PRKCB: variants seen among roughly 807,000 people sequenced by gnomAD.
The protein encoded by PRKCB is protein kinase C beta type.
In PRKCB, 13 loss-of-function variants were observed where a neutral mutation model predicts 81.5. The observed-to-expected ratio is 0.16, with a 90% CI of 0.10 to 0.25. The LOEUF (loss-of-function observed/expected upper bound fraction) is 0.25. PRKCB is among the 10% of genes least tolerant of loss of function. The probability of loss-of-function intolerance (pLI) is 1.00; values close to 1 mark genes in which losing one functional copy is unlikely to be tolerated. For missense variants in PRKCB, 509 were observed against 875.7 expected (o/e 0.58, Z 5.29); for synonymous variants, 335 against 321.4 (o/e 1.04, Z -0.45).
chr16:24,020,974 C>A (rs80183552), intron 3 of PRKCB, among the ~76,000 whole-genome samples: 8 of 96,442 alleles, frequency 8.3e-5, no homozygotes, highest in Non-Finnish European at 1.5e-4. Flanking sequence ...AGAGACTTTT[C>A]TTTTTCTTTC....
At chr16:23,883,244 C>T (rs987140621) in intron 2 of PRKCB, among the ~76,000 whole-genome samples, 18 of 152,154 alleles carry the variant, frequency 1.2e-4, no homozygotes, top group African/African-American at 4.3e-4. Context: ...TGAGTGGCTA[C>T]TTTAGATCAG....
chr16:24,132,795 T>TTC (rs1567386726), intron 9 of PRKCB, among the ~76,000 whole-genome samples: 9 of 138,930 alleles, frequency 6.5e-5, no homozygotes, highest in African/African-American at 2.2e-4. Context: ...TTTTTTTTCT[T>TTC]CTAGAGACAG....
intron 3 of PRKCB, among the ~76,000 whole-genome samples, chr16:23,997,021 T>TA (rs1333020648): frequency 6.6e-6 from 1 of 152,054 alleles, no homozygotes; most frequent in Non-Finnish European, 1.5e-5. Flanking sequence ...ACCAGCAAAA[T>TA]TTTGCTTTCT....
At chr16:23,936,579 A>ATTTTTTTTTTTTTTT (rs57643578) in intron 2 of PRKCB, among the ~76,000 whole-genome samples, 1 of 96,040 alleles carries the variant, frequency 1.0e-5, no homozygotes, top group Non-Finnish European at 1.9e-5. Context: ...CACCCAACTA[A>ATTTTTTTTTTTTTTT]TTTTTTTTTT....
chr16:23,858,443 C>T (rs1597212484), intron 2 of PRKCB, among the ~76,000 whole-genome samples: 1 of 152,096 alleles, frequency 6.6e-6, no homozygotes, highest in Admixed American at 6.5e-5. Context: ...GCCCATCTCT[C>T]ATGGCCAGGA....
intron 2 of PRKCB, among the ~76,000 whole-genome samples, chr16:23,865,481 A>ATC (rs1962760047): frequency 5.4e-4 from 2 of 3,682 alleles, no homozygotes; most frequent in African/African-American, 3.9e-3. Context: ...ATATATATAT[A>ATC]TATATATATA....
intron 2 of PRKCB, among the ~76,000 whole-genome samples, chr16:23,977,395 C>T (rs1964639808): frequency 6.6e-6 from 1 of 152,162 alleles, no homozygotes; most frequent in South Asian, 2.1e-4. Flanking sequence ...CCACCCTCTC[C>T]TCACAGCCCC....
intron 7 of PRKCB, among the ~76,000 whole-genome samples, chr16:24,101,910 C>T (rs1966513479): frequency 6.6e-6 from 1 of 152,196 alleles, no homozygotes; most frequent in African/African-American, 2.4e-5. Context: ...TCATTTAATT[C>T]TCCAGTTATT....
At chr16:24,103,511 T>C (rs1966535722) in intron 7 of PRKCB, among the ~76,000 whole-genome samples, 1 of 152,200 alleles carries the variant, frequency 6.6e-6, no homozygotes, top group South Asian at 2.1e-4. Flanking sequence ...AAGATTATAT[T>C]AGCTATTCGT....
At chr16:24,123,465 G>T (rs546008388) in intron 8 of PRKCB, among the ~76,000 whole-genome samples, 1 of 152,326 alleles carries the variant, frequency 6.6e-6, no homozygotes, top group South Asian at 2.1e-4. Context: ...GAGGGGACTT[G>T]GTTGGATGAG....
chr16:24,170,859 G>T (rs1967431170), intron 10 of PRKCB, among the ~76,000 whole-genome samples: 1 of 152,186 alleles, frequency 6.6e-6, no homozygotes, highest in Admixed American at 6.5e-5. Context: ...CAGAAACAGG[G>T]CTTACACAGC....
At chr16:23,837,486 G>T in intron 2 of PRKCB, 80 bp downstream of exon 2, 1 of 1,528,106 alleles carries the variant, frequency 6.5e-7, no homozygotes, top group Non-Finnish European at 8.9e-7. Flanking sequence ...ACTGAGTTAG[G>T]CAGAGAGTGA....
intron 5 of PRKCB, among the ~76,000 whole-genome samples, chr16:24,054,325 G>T (rs1965879416): frequency 6.6e-6 from 1 of 152,120 alleles, no homozygotes; most frequent in South Asian, 2.1e-4. Context: ...CCAATGGTAG[G>T]CAATATCTCT....
intron 9 of PRKCB, among the ~76,000 whole-genome samples, chr16:24,126,636 G>A (rs139736691): frequency 7.3e-5 from 11 of 149,798 alleles, no homozygotes; most frequent in East Asian, 4.0e-4. Flanking sequence ...GCGCCATCTC[G>A]GCTCACTGCA....
intron 15 of PRKCB, among the ~76,000 whole-genome samples, chr16:24,189,987 T>A (rs1208913058): frequency 6.6e-6 from 1 of 152,174 alleles, no homozygotes; most frequent in African/African-American, 2.4e-5. Flanking sequence ...TTTGCTCAAG[T>A]CTTGAGATCA....
Position 24,113,001 on chromosome 16 carries a change from G to A in PRKCB, c.850G>A (p.Glu284Lys). 1.9e-6 allele frequency: 3 copies of A among 1,612,630 alleles called. No individual in the cohort carries two copies. Among genetic ancestry groups the A allele is most frequent in the Non-Finnish European group, 2.5e-6 (3 of 1,179,134 alleles). The change falls in exon 8 of 17, where the codon GAG (glutamate) becomes AAG (lysine). Residue 284 changes from glutamate to lysine, a missense_variant. By Grantham distance (56) the Glu-to-Lys change is moderately conservative (BLOSUM62 1). Around this residue, in one of 6 missense-constraint regions of PRKCB, gnomAD observed 184 missense variants for 362.9 expected, o/e 0.51. Coordinates refer to ENST00000643927, the MANE Select transcript of PRKCB (RefSeq NM_002738.7). The stretch of plus-strand genomic sequence containing the variant: ...TAAGTTACTGAGCCAGGAGGAAGGC[G>A]AGTACTTCAATGTGCCTGTGCCACC... ...WFKLLSQEEG[E>K]YFNVPVPPEG...
chr16:23,956,360 T>C (rs1964349331), intron 2 of PRKCB, among the ~76,000 whole-genome samples: 1 of 152,170 alleles, frequency 6.6e-6, no homozygotes, highest in Non-Finnish European at 1.5e-5. Context: ...CCCTTATTAA[T>C]ACCTTATTTA....
intron 8 of PRKCB, among the ~76,000 whole-genome samples, chr16:24,122,718 A>G (rs976346833): frequency 2.7e-5 from 4 of 146,674 alleles, no homozygotes; most frequent in African/African-American, 9.9e-5. Flanking sequence ...TCTCAGCATC[A>G]AAAAGTGTTG....
chr16:23,879,344 G>A (rs1361041030), intron 2 of PRKCB, among the ~76,000 whole-genome samples: 1 of 152,082 alleles, frequency 6.6e-6, no homozygotes, highest in Admixed American at 6.6e-5. Context: ...AGTCTGGGCT[G>A]TTTTCATAGC....
Sources: gnomAD v4.1 joint callset for allele counts (sites outside exome capture counted in the v4.1 genomes callset) on GRCh38, gnomAD v4.1.1 for gene constraint, gnomAD v4.1.1 regional missense constraint, MANE v1.5 for transcripts, NCBI Gene and HGNC (gene_info 2026-07-23, HGNC 2026-07-21) for gene names.